The following RBBP8NL variants were observed in gnomAD, a reference collection of about 807,000 sequenced individuals.
RBBP8NL encodes the protein RBBP8 N-terminal like, also known as RBBP8 N-terminal-like protein.
RBBP8NL carries 59 observed loss-of-function variants against 62.2 expected under a neutral mutation model. The observed-to-expected ratio is 0.95, with a 90% CI of 0.77 to 1.18. The LOEUF (loss-of-function observed/expected upper bound fraction) is 1.18, where lower values mean the gene tolerates loss of function less well. Among genes scored for constraint, RBBP8NL ranks in the 50% most tolerant of loss-of-function variants. The probability of loss-of-function intolerance (pLI) is 0.00; values close to 1 mark genes in which losing one functional copy is unlikely to be tolerated. For missense variants in RBBP8NL, 896 were observed against 899.5 expected, an observed-to-expected ratio of 1.00 and a Z score of 0.05; for synonymous variants, 412 against 394.1, an observed-to-expected ratio of 1.05 and a Z score of -0.54.
rs531336123 is a variant in RBBP8NL at position 62,414,107 on chromosome 20, C to A, written c.1244G>T (p.Arg415Leu). The A allele has an allele frequency of 1.3e-5, 21 of 1,593,388 alleles. No homozygotes were observed. In the African/African-American group the frequency reaches 2.0e-4, roughly 15 times the overall value. Residue 415 changes from arginine to leucine, a missense_variant, in exon 10 of 14, where the codon CGG becomes CTG. By Grantham distance (102) the Arg-to-Leu change is moderately radical. Coordinates refer to ENST00000252998, the MANE Select transcript of RBBP8NL (RefSeq NM_080833.3). Reference sequence around the variant, plus strand: ...GCCCGGGCCTGCAGGCTGTGTGTGCCGCCCTCCAGACAGGCCTGCTGCGGC... The same window carrying A: ...GCCCGGGCCTGCAGGCTGTGTGTGCAGCCCTCCAGACAGGCCTGCTGCGGC... The part of the protein sequence containing the change: ...ALAAAGLSGG[R>L]HTQPAGPGRA...
rs1988592063 is a variant in RBBP8NL, at chr20:62,417,334, A to C, written c.105-15T>G. The C allele has an allele frequency of 4.5e-6, 7 of 1,567,798 alleles. No homozygotes were observed. The highest frequency in any genetic ancestry group is 6.0e-6 in the Non-Finnish European group (7 of 1,158,856). On this transcript the variant is annotated splice_polypyrimidine_tract_variant and intron_variant, in intron 3 of 13. Coordinates refer to ENST00000252998, the MANE Select transcript of RBBP8NL (RefSeq NM_080833.3). ...TCTGGGCGTCCCTGTGGTGGGAAACAGCTAAAGTGGGGTCCTGTTCCATCC... is the reference window on the plus strand; with the variant it reads ...TCTGGGCGTCCCTGTGGTGGGAAACCGCTAAAGTGGGGTCCTGTTCCATCC...
intron 1 of RBBP8NL, among the ~76,000 whole-genome samples, chr20:62,424,344 C>T (rs944060050): frequency 2.0e-5 from 3 of 152,076 alleles, no homozygotes; most frequent in African/African-American, 7.2e-5. Context: ...CGACACCACT[C>T]TCACCCCACC....
At chr20:62,422,294 G>A (rs73143500) in intron 1 of RBBP8NL, among the ~76,000 whole-genome samples, 6 of 151,870 alleles carry the variant, frequency 4.0e-5, no homozygotes, top group Non-Finnish European at 5.9e-5. Flanking sequence ...GAACCGTCCC[G>A]AACAGGACCG....
chr20:62,415,152 G>A lies in RBBP8NL; in HGVS notation c.763C>T (p.Pro255Ser). 1 of 1,509,014 alleles carries A rather than the reference G, an allele frequency of 6.6e-7. No homozygotes were observed. 93.5% of individuals were successfully genotyped at this position (1,509,014 alleles called of 1,614,324 possible). The change falls in exon 9 of 14, where the codon CCA (proline) becomes TCA (serine). Residue 255 changes from proline to serine, a missense_variant. Pro to Ser is a moderately conservative substitution (Grantham distance 74, BLOSUM62 -1). Coordinates refer to ENST00000252998, the MANE Select transcript of RBBP8NL (RefSeq NM_080833.3). ...AGGGAGAGGCCACGCTCATACGCTG[G>A]GCTGGGTGGGCTGCTCCTGGCGGGC... is the stretch of plus-strand genomic sequence containing the variant. ...PLPARSSPPS[P>S]AYERGLSLDS...
chr20:62,424,742 GC>G (rs1483104565), intron 1 of RBBP8NL, among the ~76,000 whole-genome samples: 1 of 151,992 alleles, frequency 6.6e-6, no homozygotes, highest in Non-Finnish European at 1.5e-5. Flanking sequence ...CCCTCTAAAG[GC>G]CCCCCAGAGC....
chr20:62,416,179 C>T lies in RBBP8NL; in HGVS notation c.371G>A (p.Arg124Gln), dbSNP rs200019171. The change falls in exon 6 of 14, where the codon CGG becomes CAG. Residue 124 changes from arginine to glutamine, a missense_variant. Arg to Gln is a conservative substitution (Grantham distance 43). Transcript: ENST00000252998. ...TCCCACTCACCCCAGGCCCCGAAGC[C>T]GCTTCACCTCCTCCTTCAAGGTCTC... Reference protein sequence around the residue: ...ENETLKEEVKRLRGLGDRPKP... With the variant: ...ENETLKEEVKQLRGLGDRPKP... The T allele has an allele frequency of 6.0e-5, 96 of 1,612,818 alleles. 1 individual carries two copies. In the East Asian group the frequency reaches 6.9e-4, roughly 12 times the overall value.
chr20:62,422,623 A>ACAGGGCCTGGG (rs1988728825), intron 1 of RBBP8NL, among the ~76,000 whole-genome samples: 1 of 34,316 alleles, frequency 2.9e-5, no homozygotes, highest in African/African-American at 9.9e-5. Flanking sequence ...TGGGGCCCGG[A>ACAGGGCCTGGG]GTGGGGATGG....
At chr20:62,419,097 A>G (rs187019533) in intron 2 of RBBP8NL, among the ~76,000 whole-genome samples, 4 of 152,242 alleles carry the variant, frequency 2.6e-5, no homozygotes, top group African/African-American at 9.6e-5. Flanking sequence ...AAGGAAGAGA[A>G]GAGTTGCAGC....
chr20:62,421,539 CAA>C (rs1464646367), intron 1 of RBBP8NL, among the ~76,000 whole-genome samples: 5 of 134,564 alleles, frequency 3.7e-5, no homozygotes, highest in Non-Finnish European at 6.2e-5. Context: ...TGTGCACACC[CAA>C]GTCAGTGTGC....
intron 13 of RBBP8NL, 25 bp downstream of exon 13, chr20:62,412,599 T>C (rs918193628): frequency 1.3e-6 from 2 of 1,599,326 alleles, no homozygotes. Context: ...CCCCCTTCCC[T>C]GCACCTGCCC....
chr20:62,411,077 G>A, intron 13 of RBBP8NL, 81 bp from the exon 14 acceptor site: 3 of 892,330 alleles, frequency 3.4e-6, no homozygotes, highest in Non-Finnish European at 3.6e-6. Context: ...GGGCCTCCTG[G>A]GTCTCCTCTG....
At position 62,421,261 on chromosome 20, in the gene RBBP8NL, CGT is replaced by C. The variant is rs11469557; in HGVS notation, c.-83-1533_-83-1532del. On this transcript the variant is annotated intron_variant, in intron 1 of 13. Transcript: ENST00000252998. ...CCCGAGCCAGTGTGCATGTGTGTGCCGTGTGTGTGCATGATAGCCAGTGTGCG... is the reference window on the plus strand; with the variant it reads ...CCCGAGCCAGTGTGCATGTGTGTGCCGTGTGTGCATGATAGCCAGTGTGCG... Among the ~76,000 whole-genome samples, 811 of 136,386 alleles carry C rather than the reference CGT, an allele frequency of 5.9e-3. 7 individuals carry two copies. Among genetic ancestry groups the C allele is most frequent in the African/African-American group, 0.021 (768 of 36,050 alleles). The allele number at this position is 136,386 out of a possible 152,430, so 89.5% of individuals were successfully genotyped here.
chr20:62,421,417 G>T (rs1353157095), intron 1 of RBBP8NL, among the ~76,000 whole-genome samples: 10 of 106,016 alleles, frequency 9.4e-5, no homozygotes, highest in African/African-American at 4.4e-4. Context: ...GTGTGCGTGT[G>T]TGTGCCGTGT....
At chr20:62,416,289 A>AGGGGGCCG in intron 5 of RBBP8NL, 53 bp from the exon 6 acceptor site, 1 of 117,582 alleles carries the variant, frequency 8.5e-6, no homozygotes, top group East Asian at 1.9e-4. Context: ...GGACAGGGGC[A>AGGGGGCCG]GGGGTGGGGT....
rs904751492 is a variant in RBBP8NL, at chr20:62,415,511, G to T, written c.627+67C>A. 16 of 1,536,028 alleles carry T rather than the reference G, an allele frequency of 1.0e-5. No individual in the cohort carries two copies. In the African/African-American group the frequency reaches 1.8e-4, roughly 17 times the overall value. On this transcript the variant is annotated intron_variant, in intron 8 of 13. Transcript: ENST00000252998. ...GAGAGGCTGGCATACTGAAAGTGCA[G>T]CTGCCTCCAGCCTCCTGCCTGCGCC...
rs763083454 is a variant in RBBP8NL, at chr20:62,412,722, G to A, written c.1778C>T (p.Thr593Met). The A allele has an allele frequency of 2.0e-5, 33 of 1,611,312 alleles. 1 individual carries two copies. The highest frequency in any genetic ancestry group is 1.6e-4 in the South Asian group (15 of 91,090). ...CTCAGGCCCCTCCCCGGTCGTGCTC[G>A]TAGTGGCCTCCGCCTGGGAGCTCAG... ...VGLSSQAEAT[T>M]STTGEGPECI... Residue 593 changes from threonine to methionine, a missense_variant, in exon 13 of 14, where the codon ACG becomes ATG. Physicochemically the swap from Thr to Met is moderately conservative, Grantham distance 81. Coordinates refer to ENST00000252998, the MANE Select transcript of RBBP8NL (RefSeq NM_080833.3).
rs544398415 is a variant in RBBP8NL at position 62,413,827 on chromosome 20, A to G, written c.1524T>C (p.Thr508=). The G allele has an allele frequency of 1.3e-6, 2 of 1,595,798 alleles. No individual in the cohort carries two copies. Among genetic ancestry groups the G allele is most frequent in the South Asian group, 2.3e-5 (2 of 88,190 alleles). ...CCAGGACCGGGCTCCTTACCATGGG[A>G]GTGGAAGCCTCCTCCTGCTCTGGCA... ...TRVPEQEEAS[T]PMDPSRPLPG... is the part of the protein sequence containing the mutation. The change falls in exon 10 of 14, where the codon ACT becomes ACC. Residue 508 remains threonine, a synonymous_variant. Coordinates refer to ENST00000252998, the MANE Select transcript of RBBP8NL (RefSeq NM_080833.3).
At chr20:62,421,704 A>G (rs1292180702) in intron 1 of RBBP8NL, among the ~76,000 whole-genome samples, 1 of 118,276 alleles carries the variant, frequency 8.5e-6, no homozygotes, top group Non-Finnish European at 1.7e-5. Flanking sequence ...TGTGTGTGGC[A>G]TGTGTGCATG....
At chr20:62,415,088 G>T in intron 9 of RBBP8NL, 33 bp downstream of exon 9, 1 of 1,444,372 alleles carries the variant, frequency 6.9e-7, no homozygotes, top group Non-Finnish European at 9.1e-7. Context: ...CTCATCTGAG[G>T]CTACTCTGGG....
Sources: allele counts gnomAD v4.1 joint callset (sites outside exome capture counted in the v4.1 genomes callset), GRCh38; gene constraint gnomAD v4.1.1; transcripts MANE v1.5; gene names NCBI Gene and HGNC (gene_info 2026-07-23, HGNC 2026-07-21).